The following CGNL1 variants were observed in gnomAD, a reference collection of about 807,000 sequenced individuals.
CGNL1 encodes the protein cingulin-like protein 1.
Under a neutral mutation model 141.2 loss-of-function variants are expected in CGNL1, and 132 were observed. That is an observed-to-expected ratio of 0.93 (90% CI 0.81 to 1.08). The LOEUF is 1.08. Among genes scored for constraint, CGNL1 ranks in the 50% least tolerant of loss-of-function variants. CGNL1 has a pLI of 0.00. For missense variants in CGNL1, 1,870 were observed against 1,588.6 expected, an observed-to-expected ratio of 1.18 and a Z score of -3.01; for synonymous variants, 690 against 622.1, an observed-to-expected ratio of 1.11 and a Z score of -1.63.
At chr15:57,530,947 A>G (rs1317954665) in intron 13 of CGNL1, among the ~76,000 whole-genome samples, 1 of 152,168 alleles carries the variant, frequency 6.6e-6, no homozygotes, top group African/African-American at 2.4e-5. Flanking sequence ...GTTTACTTAG[A>G]CCTATGACAG....
At chr15:57,444,802 C>G (rs1167026653) in intron 4 of CGNL1, among the ~76,000 whole-genome samples, 1 of 152,168 alleles carries the variant, frequency 6.6e-6, no homozygotes, top group Non-Finnish European at 1.5e-5. Flanking sequence ...GTAGCAAGGA[C>G]ATTGGAAGTT....
chr15:57,544,388 A>C, intron 15 of CGNL1, 85 bp from the exon 16 acceptor site: 1 of 1,529,592 alleles, frequency 6.5e-7, no homozygotes, highest in Non-Finnish European at 8.9e-7. Context: ...GCGACCAAAC[A>C]CCAGGTTCTG....
At chr15:57,496,216 A>C (rs1468455307) in intron 8 of CGNL1, among the ~76,000 whole-genome samples, 1 of 152,216 alleles carries the variant, frequency 6.6e-6, no homozygotes, top group South Asian at 2.1e-4. Context: ...CCTTAAAACC[A>C]AAACGTGACT....
At chr15:57,524,558 C>A (rs1405935545) in intron 11 of CGNL1, 23 bp from the exon 12 acceptor site, 1 of 1,604,260 alleles carries the variant, frequency 6.2e-7, no homozygotes, top group Non-Finnish European at 8.5e-7. Flanking sequence ...AGGGTGGGCT[C>A]ACACCCGTGT....
intron 8 of CGNL1, among the ~76,000 whole-genome samples, chr15:57,493,650 T>G (rs568547394): frequency 6.6e-6 from 1 of 152,330 alleles, no homozygotes; most frequent in East Asian, 1.9e-4. Flanking sequence ...GACTTCTGGA[T>G]GATCGTAAGC....
rs1567172015 is a variant in CGNL1, at chr15:57,528,767, C to CAAGAGTCACCTCA, written c.3158_3170dup (p.Asp1057GlufsTer6). 6.2e-7 allele frequency: 1 copy of CAAGAGTCACCTCA among 1,614,116 alleles called. No individual in the cohort carries two copies. Among genetic ancestry groups the CAAGAGTCACCTCA allele is most frequent in the Admixed American group, 1.7e-5 (1 of 60,020 alleles). On this transcript the variant is annotated frameshift_variant, in exon 13 of 19. Transcript: ENST00000281282. LOFTEE classifies it high-confidence loss of function. ...AGGACCTGGAGTATGAGCTGGAAGC[C>CAAGAGTCACCTCA]AAGAGTCACCTCAAAGATGACCGCA...
At chr15:57,454,124 G>GA (rs2063352557) in intron 7 of CGNL1, among the ~76,000 whole-genome samples, 1 of 152,136 alleles carries the variant, frequency 6.6e-6, no homozygotes, top group Admixed American at 6.5e-5. Flanking sequence ...TTGGGAGAGG[G>GA]AATAAGTATA....
At chr15:57,401,650 TC>T (rs1212028966) in intron 1 of CGNL1, among the ~76,000 whole-genome samples, 2 of 152,194 alleles carry the variant, frequency 1.3e-5, no homozygotes, top group African/African-American at 4.8e-5. Flanking sequence ...TTAATACCTA[TC>T]CTTTTTTCTA....
chr15:57,434,598 C>T (rs1158804187), intron 1 of CGNL1, among the ~76,000 whole-genome samples: 1 of 152,016 alleles, frequency 6.6e-6, no homozygotes, highest in Non-Finnish European at 1.5e-5. Context: ...TATGAAATTT[C>T]AGAATACCAG....
At chr15:57,417,711 T>C (rs1162032251) in intron 1 of CGNL1, among the ~76,000 whole-genome samples, 4 of 151,810 alleles carry the variant, frequency 2.6e-5, no homozygotes, top group Non-Finnish European at 5.9e-5. Context: ...ATGCCAGATA[T>C]ACTGGGGGGA....
intron 1 of CGNL1, among the ~76,000 whole-genome samples, chr15:57,378,634 C>T (rs1442191768): frequency 1.3e-5 from 2 of 151,924 alleles, no homozygotes; most frequent in South Asian, 2.1e-4. Flanking sequence ...CTGCCCACCT[C>T]GGCCTCTCAA....
chr15:57,420,546 T>C (rs2062902867), intron 1 of CGNL1, among the ~76,000 whole-genome samples: 2 of 152,200 alleles, frequency 1.3e-5, no homozygotes, highest in Admixed American at 1.3e-4. Flanking sequence ...AATTCCACTA[T>C]ACACATATAG....
At chr15:57,543,499 C>A (rs2032678383) in intron 14 of CGNL1, among the ~76,000 whole-genome samples, 197 bp from the exon 15 acceptor site, 1 of 152,124 alleles carries the variant, frequency 6.6e-6, no homozygotes, top group South Asian at 2.1e-4. Context: ...TTTGTATTAC[C>A]AGTATTGCAA....
intron 1 of CGNL1, among the ~76,000 whole-genome samples, chr15:57,382,501 G>A (rs1037969039): frequency 6.6e-6 from 1 of 152,200 alleles, no homozygotes; most frequent in South Asian, 2.1e-4. Context: ...GGTAGAGTAC[G>A]TAATCGTTCA....
At chr15:57,435,407 G>GTTTTT (rs1249529527) in intron 1 of CGNL1, among the ~76,000 whole-genome samples, 10 of 96,862 alleles carry the variant, frequency 1.0e-4, no homozygotes, top group Non-Finnish European at 1.2e-4. Context: ...AAATTTGCAG[G>GTTTTT]TTTTTTTGTT....
At chr15:57,422,108 T>TAAAACAAAAACA (rs3051145) in intron 1 of CGNL1, among the ~76,000 whole-genome samples, 1 of 151,488 alleles carries the variant, frequency 6.6e-6, no homozygotes, top group South Asian at 2.1e-4. Flanking sequence ...TATGGGTGAT[T>TAAAACAAAAACA]AAAACAAAAA....
intron 8 of CGNL1, among the ~76,000 whole-genome samples, chr15:57,510,345 C>T (rs1173507690): frequency 2.0e-5 from 3 of 152,218 alleles, no homozygotes; most frequent in Non-Finnish European, 4.4e-5. Context: ...CAGTGGAAGG[C>T]CCAGCAAGAG....
chr15:57,450,379 C>T (rs1414649575), intron 4 of CGNL1, among the ~76,000 whole-genome samples: 2 of 152,164 alleles, frequency 1.3e-5, no homozygotes, highest in South Asian at 2.1e-4. Flanking sequence ...TGGGTTCAAG[C>T]GATTCTTCTG....
intron 8 of CGNL1, among the ~76,000 whole-genome samples, chr15:57,469,120 G>A (rs1366178607): frequency 6.6e-6 from 1 of 152,104 alleles, no homozygotes; most frequent in Non-Finnish European, 1.5e-5. Context: ...ACCTGAGGCT[G>A]CAGCTGGAAT....
Sources: allele counts gnomAD v4.1 joint callset (sites outside exome capture counted in the v4.1 genomes callset), GRCh38; gene constraint gnomAD v4.1.1; transcripts MANE v1.5; gene names NCBI Gene and HGNC (gene_info 2026-07-23, HGNC 2026-07-21).